Variants in ROR2 observed in about 807,000 individuals in gnomAD.
The protein encoded by ROR2 is ROR family WNT receptor 2.
A neutral mutation model predicts 74.9 loss-of-function variants in ROR2; 33 were observed. That is an observed-to-expected ratio of 0.44 (90% CI 0.33 to 0.59). The LOEUF is 0.59. Among genes scored for constraint, ROR2 ranks in the 20% least tolerant of loss-of-function variants. ROR2 has a pLI of 0.02. For synonymous variants in ROR2, 586 were observed against 558.7 expected (o/e 1.05, Z -0.69); for missense variants, 1,216 against 1,313.8 (o/e 0.93, Z 1.15).
chr9:91,834,331 C>G (rs571626883), intron 1 of ROR2, among the ~76,000 whole-genome samples: 112 of 152,342 alleles, frequency 7.4e-4, no homozygotes, highest in Admixed American at 2.0e-3. Flanking sequence ...CGCGTGCAAA[C>G]CCACCATCCA....
At chr9:91,904,798 G>C (rs1482826470) in intron 1 of ROR2, among the ~76,000 whole-genome samples, 2 of 152,152 alleles carry the variant, frequency 1.3e-5, no homozygotes, top group East Asian at 3.8e-4. Context: ...CCAAGTTAAT[G>C]AGGCAAAGCC....
Position 91,724,123 on chromosome 9 carries a change from G to A in ROR2, c.2371C>T (p.Gln791Ter). ...GGCTGTGGGAAGGGCGGGGCCTTCT[G>A]CTTGGGCCCCACGTAGCGGGCGTTG... The part of the protein sequence containing the change: ...VSNARYVGPK[Q>*]KAPPFPQPQF... The change falls in exon 9 of 9, where the codon CAG (glutamine) becomes TAG (stop). Residue 791 changes from glutamine to a stop codon, truncating the protein, a stop_gained. Transcript: ENST00000375708. LOFTEE classifies it high-confidence loss of function. The A allele has an allele frequency of 6.2e-7, 1 of 1,610,868 alleles. No homozygotes were observed. The highest frequency in any genetic ancestry group is 8.5e-7 in the Non-Finnish European group (1 of 1,179,988).
chr9:91,884,704 T>C (rs1015682252), intron 1 of ROR2, among the ~76,000 whole-genome samples: 36 of 152,246 alleles, frequency 2.4e-4, no homozygotes, highest in Middle Eastern at 3.4e-3. Context: ...CGGGCTGTCA[T>C]ACACATTCAA....
intron 6 of ROR2, among the ~76,000 whole-genome samples, chr9:91,731,583 C>A (rs1261832453): frequency 6.6e-6 from 1 of 152,196 alleles, no homozygotes; most frequent in African/African-American, 2.4e-5. Flanking sequence ...CATGGAGGAA[C>A]CCTGGGGTTG....
chr9:91,903,763 C>T (rs59917975), intron 1 of ROR2, among the ~76,000 whole-genome samples: 21,313 of 152,042 alleles, frequency 0.14, 3,296 homozygotes, highest in African/African-American at 0.39. Flanking sequence ...TGGCTTGAGA[C>T]GGGGTTTACT....
chr9:91,900,390 C>G (rs1435048353), intron 1 of ROR2, among the ~76,000 whole-genome samples: 1 of 152,234 alleles, frequency 6.6e-6, no homozygotes, highest in Non-Finnish European at 1.5e-5. Flanking sequence ...AGGCAGCCGA[C>G]CCTGGCGCAG....
intron 1 of ROR2, among the ~76,000 whole-genome samples, chr9:91,911,949 A>AC (rs1830997276): frequency 1.3e-5 from 2 of 151,746 alleles, no homozygotes; most frequent in Non-Finnish European, 2.9e-5. Context: ...AAAAAAAAAA[A>AC]AAAAACCACA....
rs759570858 is a variant in ROR2, at chr9:91,730,904, A to G, written c.1183+6T>C. 1 of 1,614,120 alleles carries G rather than the reference A, an allele frequency of 6.2e-7. No individual in the cohort carries two copies. Among genetic ancestry groups the G allele is most frequent in the Non-Finnish European group, 8.5e-7 (1 of 1,180,034 alleles). On this transcript the variant is annotated splice_donor_region_variant and intron_variant, in intron 7 of 8. Coordinates refer to ENST00000375708, the MANE Select transcript of ROR2 (RefSeq NM_004560.4). The stretch of plus-strand genomic sequence containing the variant: ...CACATTAAAAAAAGAGAGAGAGAAT[A>G]CATACTACACGAGGGTACGTCACAC...
chr9:91,771,048 C>T (rs1587703664), intron 2 of ROR2, among the ~76,000 whole-genome samples: 1 of 152,210 alleles, frequency 6.6e-6, no homozygotes, highest in South Asian at 2.1e-4. Flanking sequence ...CCTGACATGG[C>T]ACAAATAGCA....
chr9:91,923,303 T>A (rs10992160), intron 1 of ROR2, among the ~76,000 whole-genome samples: 21,516 of 152,166 alleles, frequency 0.14, 3,355 homozygotes, highest in African/African-American at 0.39. Context: ...CAGCCACATG[T>A]GGTATGTGGC....
At chr9:91,834,295 G>A (rs1002831118) in intron 1 of ROR2, among the ~76,000 whole-genome samples, 1 of 152,118 alleles carries the variant, frequency 6.6e-6, no homozygotes, top group Non-Finnish European at 1.5e-5. Flanking sequence ...CCTTCCCTGT[G>A]CCACAGATGC....
chr9:91,743,953 A>G (rs1183759549), intron 4 of ROR2, among the ~76,000 whole-genome samples: 1 of 152,224 alleles, frequency 6.6e-6, no homozygotes, highest in Non-Finnish European at 1.5e-5. Flanking sequence ...ATGCTCATCA[A>G]TAGGTGAATA....
chr9:91,848,356 T>C (rs185798327), intron 1 of ROR2, among the ~76,000 whole-genome samples: 2 of 152,338 alleles, frequency 1.3e-5, no homozygotes, highest in Admixed American at 1.3e-4. Context: ...TGGACCTCTG[T>C]CTGTCCACCC....
At chr9:91,948,866 C>A in intron 1 of ROR2, 3 of 985,432 alleles carry the variant, frequency 3.0e-6, no homozygotes, top group African/African-American at 1.7e-5. Flanking sequence ...CGCAGGGTGC[C>A]GAGAATCCGG....
intron 1 of ROR2, among the ~76,000 whole-genome samples, chr9:91,922,099 G>GCAA (rs556349605): frequency 1.8e-3 from 265 of 147,668 alleles, no homozygotes; most frequent in African/African-American, 4.0e-3. Flanking sequence ...CCAAACAACA[G>GCAA]CAACAACAAC....
In ROR2 at chr9:91,800,289, C is replaced by G. The variant is rs546332684; in HGVS notation, c.98-24471G>C. Among the ~76,000 whole-genome samples, 4 of 151,900 alleles carry G rather than the reference C, an allele frequency of 2.6e-5. No homozygotes were observed. The South Asian group carries it at 8.3e-4, about 32-fold the overall frequency. The stretch of plus-strand genomic sequence containing the variant: ...CCCGGGAGGCGGAGGTTGCAATGAG[C>G]CGAAATCGCACCACTGCCCTCTAGC... On this transcript the variant is annotated intron_variant, in intron 1 of 8. Coordinates refer to ENST00000375708, the MANE Select transcript of ROR2 (RefSeq NM_004560.4).
intron 1 of ROR2, among the ~76,000 whole-genome samples, chr9:91,780,519 G>T (rs1211423781): frequency 1.3e-5 from 2 of 152,226 alleles, no homozygotes; most frequent in Admixed American, 6.5e-5. Context: ...CTGGCGTGGT[G>T]GCTCATGCCT....
intron 1 of ROR2, among the ~76,000 whole-genome samples, chr9:91,799,592 C>A (rs1183873051): frequency 1.3e-5 from 2 of 152,174 alleles, no homozygotes; most frequent in African/African-American, 4.8e-5. Flanking sequence ...CCTGCCTCTG[C>A]CACCTACCAG....
chr9:91,827,710 G>A (rs551375813), intron 1 of ROR2, among the ~76,000 whole-genome samples: 5 of 152,312 alleles, frequency 3.3e-5, no homozygotes, highest in African/African-American at 7.2e-5. Flanking sequence ...TGTACAGATC[G>A]ATCAGCAGTG....
Sources: allele counts gnomAD v4.1 joint callset (sites outside exome capture counted in the v4.1 genomes callset), GRCh38; gene constraint gnomAD v4.1.1; transcripts MANE v1.5; gene names NCBI Gene and HGNC (gene_info 2026-07-23, HGNC 2026-07-21).